The following UGT2B15 variants were observed in gnomAD, a reference collection of about 807,000 sequenced individuals.
UGT2B15 encodes UDP glucuronosyltransferase family 2 member B15.
Under a neutral mutation model 45.9 loss-of-function variants are expected in UGT2B15, and 36 were observed. That is an observed-to-expected ratio of 0.78 (90% CI 0.60 to 1.04). The LOEUF is 1.04. UGT2B15 is among the 50% of genes least tolerant of loss of function. The pLI is 0.00. For missense variants in UGT2B15, 617 were observed against 622.4 expected (o/e 0.99, Z 0.09); for synonymous variants, 219 against 216.4 (o/e 1.01, Z -0.11).
intron 5 of UGT2B15, among the ~76,000 whole-genome samples, chr4:68,651,493 C>T (rs1055029732): frequency 5.9e-5 from 9 of 151,882 alleles, no homozygotes; most frequent in African/African-American, 2.2e-4. Context: ...GGCCTCTGTT[C>T]TGTTCCACTG....
chr4:68,656,558 A>C (rs542306988), intron 3 of UGT2B15, among the ~76,000 whole-genome samples: 1 of 152,250 alleles, frequency 6.6e-6, no homozygotes, highest in East Asian at 1.9e-4. Flanking sequence ...AAAACAAAAC[A>C]AAACCTAAAA....
At chr4:68,669,767 C>T (rs1045858518) in intron 1 of UGT2B15, 128 bp downstream of exon 1, 23 of 1,325,430 alleles carry the variant, frequency 1.7e-5, no homozygotes, top group Non-Finnish European at 2.4e-5. Flanking sequence ...ACTGATAGAT[C>T]ATCTTACATT....
rs1394092894 is a variant in UGT2B15, at chr4:68,652,638, G to C, written c.1313+1399C>G. 2.0e-5 allele frequency among the ~76,000 whole-genome samples: 3 copies of C among 151,172 alleles called. No homozygotes were observed. In the East Asian group the frequency reaches 5.8e-4, roughly 29 times the overall value. On this transcript the variant is annotated intron_variant, in intron 5 of 5. Transcript: ENST00000338206. ...AGCATTTTTCATAGTATTTCCTTTG[G>C]ATTATGGAAAAGTTAAGTATTACAT...
rs199607890 is a variant in UGT2B15 at position 68,669,884 on chromosome 4, A to C, written c.724+11T>G. 2.7e-4 allele frequency: 428 copies of C among 1,596,342 alleles called. No individual in the cohort carries two copies. Among genetic ancestry groups the C allele is most frequent in the Non-Finnish European group, 3.3e-4 (393 of 1,175,238 alleles). ...AGAACTTAATAAGCACCAGTTAGAC[A>C]CATGACTTACCTAGAACTTCACTAT... On this transcript the variant is annotated intron_variant, in intron 1 of 5. Coordinates refer to ENST00000338206, the MANE Select transcript of UGT2B15 (RefSeq NM_001076.4).
Position 68,655,086 on chromosome 4 carries a change from G to T in UGT2B15, c.1093+9C>A. 1 of 1,612,008 alleles carries T rather than the reference G, an allele frequency of 6.2e-7. No individual in the cohort carries two copies. ...TAATATATTCACTGTTTGTTCTCCA[G>T]AATCTTACCAAGAAGGTCATTCTGG... On this transcript the variant is annotated intron_variant, in intron 4 of 5. Coordinates refer to ENST00000338206, the MANE Select transcript of UGT2B15 (RefSeq NM_001076.4).
At chr4:68,666,008 T>C (rs1210679640) in intron 2 of UGT2B15, among the ~76,000 whole-genome samples, 1 of 152,014 alleles carries the variant, frequency 6.6e-6, no homozygotes, top group African/African-American at 2.4e-5. Context: ...GCCGAGATCA[T>C]GCTAGTATCA....
chr4:68,660,339 C>T (rs1451943049), intron 3 of UGT2B15, among the ~76,000 whole-genome samples: 1 of 151,222 alleles, frequency 6.6e-6, no homozygotes, highest in East Asian at 1.9e-4. Context: ...CCCAGGAGCC[C>T]CAAGTTTATT....
At chr4:68,658,328 A>T (rs1732869977) in intron 3 of UGT2B15, among the ~76,000 whole-genome samples, 1 of 152,082 alleles carries the variant, frequency 6.6e-6, no homozygotes, top group Non-Finnish European at 1.5e-5. Context: ...GACTAGTCAA[A>T]TGCTTTTTCA....
At position 68,667,427 on chromosome 4, in the gene UGT2B15, C is replaced by G. The variant is rs143814331; in HGVS notation, c.873+613G>C. ...CTGAGCCCAAGCAATCATGCCTTCT[C>G]TGCCTCCCAAAGTGCAGGGATTATA... On this transcript the variant is annotated intron_variant, in intron 2 of 5. Coordinates refer to ENST00000338206, the MANE Select transcript of UGT2B15 (RefSeq NM_001076.4). 7.1e-3 allele frequency among the ~76,000 whole-genome samples: 1,085 copies of G among 152,040 alleles called. 14 individuals carry two copies. The highest frequency in any genetic ancestry group is 0.025 in the African/African-American group (1,043 of 41,440).
intron 3 of UGT2B15, among the ~76,000 whole-genome samples, chr4:68,659,150 T>G (rs1450624997): frequency 1.3e-5 from 2 of 152,032 alleles, no homozygotes; most frequent in African/African-American, 4.8e-5. Context: ...GTTATTTGGC[T>G]TCATGCTATT....
intron 3 of UGT2B15, among the ~76,000 whole-genome samples, chr4:68,661,332 C>CA (rs907664917): frequency 3.3e-5 from 5 of 151,770 alleles, no homozygotes; most frequent in Admixed American, 2.0e-4. Flanking sequence ...TTCAAGTTGG[C>CA]AAAAATAAAC....
chr4:68,661,764 A>G (rs997060116), intron 3 of UGT2B15, among the ~76,000 whole-genome samples: 7 of 152,160 alleles, frequency 4.6e-5, no homozygotes, highest in African/African-American at 1.4e-4. Context: ...AATTCAGACT[A>G]TTATCAGTAT....
In UGT2B15 at chr4:68,666,748, A is replaced by AT. The variant is rs1455065826; in HGVS notation, c.873+1291dup. Among the ~76,000 whole-genome samples, 214 of 82,480 alleles carry AT rather than the reference A, an allele frequency of 2.6e-3. 1 individual carries two copies. Among genetic ancestry groups the AT allele is most frequent in the Middle Eastern group, 6.4e-3 (1 of 156 alleles). The allele number at this position is 82,480 out of a possible 152,430, so 54.1% of individuals were successfully genotyped here. ...TATCAAATTACATATATATATATAT[A>AT]TATATTTTTTTTTTTTGAGACAGAT... On this transcript the variant is annotated intron_variant, in intron 2 of 5. Coordinates refer to ENST00000338206, the MANE Select transcript of UGT2B15 (RefSeq NM_001076.4).
intron 1 of UGT2B15, among the ~76,000 whole-genome samples, chr4:68,668,437 C>T (rs1328357382): frequency 2.7e-4 from 41 of 152,012 alleles, no homozygotes; most frequent in Non-Finnish European, 5.0e-4. Context: ...GAAATCACAT[C>T]TTTAATGTAA....
chr4:68,670,238 G>A lies in UGT2B15; in HGVS notation c.381C>T (p.Leu127=), dbSNP rs1410405420. 3 of 1,613,824 alleles carry A rather than the reference G, an allele frequency of 1.9e-6. No homozygotes were observed. Among genetic ancestry groups the A allele is most frequent in the Non-Finnish European group, 2.5e-6 (3 of 1,179,964 alleles). Residue 127 remains leucine, a synonymous_variant, in exon 1 of 6, where the codon CTC becomes CTT. Coordinates refer to ENST00000338206, the MANE Select transcript of UGT2B15 (RefSeq NM_001076.4). Reference sequence around the variant, plus strand: ...TCTTATTCAAAACTGCATCTTTACAGAGCTTGTTACTGTAGTCATAATATT... The same window carrying A: ...TCTTATTCAAAACTGCATCTTTACAAAGCTTGTTACTGTAGTCATAATATT... The part of the protein sequence containing the change: ...CWEYYDYSNK[L]CKDAVLNKKL...
rs4148267 is a variant in UGT2B15, at chr4:68,654,961, T to C, written c.1093+134A>G. 7.1e-6 allele frequency: 8 copies of C among 1,127,466 alleles called. No homozygotes were observed. In the East Asian group the frequency reaches 1.8e-4, roughly 25 times the overall value. 69.8% of individuals were successfully genotyped at this position (1,127,466 alleles called of 1,614,324 possible). A position where few individuals can be genotyped will look rare whatever the true frequency, so the allele number is the denominator to read the frequency against. On this transcript the variant is annotated intron_variant, in intron 4 of 5. Coordinates refer to ENST00000338206, the MANE Select transcript of UGT2B15 (RefSeq NM_001076.4). ...TTTTATACTAAGACTGGAAAATAAATATAAAGTAGTTAAATTTGATTTGTT... is the reference window on the plus strand; with the variant it reads ...TTTTATACTAAGACTGGAAAATAAACATAAAGTAGTTAAATTTGATTTGTT...
chr4:68,662,210 T>G (rs5017549), intron 3 of UGT2B15, among the ~76,000 whole-genome samples: 2 of 152,058 alleles, frequency 1.3e-5, no homozygotes, highest in Non-Finnish European at 1.5e-5. Context: ...TTTATTTATA[T>G]TTTCTGCTCC....
In UGT2B15 at chr4:68,654,109, A is replaced by T; in HGVS notation, c.1241T>A (p.Leu414His). Residue 414 changes from leucine (L) to histidine (H), a missense_variant, in exon 5 of 6, where the codon CTC (leucine) becomes CAC (histidine). Leu to His is a moderately conservative substitution (Grantham distance 99, BLOSUM62 -3). This residue lies in a region of UGT2B15 where 265 missense variants were observed against 245.1 expected (regional missense o/e 1.08). Transcript: ENST00000338206. ...TGACATGGTCCTGATGTCCACACTG[A>T]GGGCTGCTCCCTTGGCTTTCATGTG... ...IAHMKAKGAA[L>H]SVDIRTMSSR... 2 of 1,613,670 alleles carry T rather than the reference A, an allele frequency of 1.2e-6. No homozygotes were observed. The highest frequency in any genetic ancestry group is 1.7e-6 in the Non-Finnish European group (2 of 1,179,702).
In UGT2B15 at chr4:68,658,194, ATGTG is replaced by A. The variant is rs907110183; in HGVS notation, c.1006-3016_1006-3013del. 9.0e-4 allele frequency among the ~76,000 whole-genome samples: 137 copies of A among 152,126 alleles called. 1 individual carries two copies. Among genetic ancestry groups the A allele is most frequent in the African/African-American group, 3.2e-3 (132 of 41,516 alleles). ...AGATGTACTTCTATTGGCATGCTTA[ATGTG>A]TGTATGTATTTATGTGTTTTGTACA... is the stretch of plus-strand genomic sequence containing the variant. On this transcript the variant is annotated intron_variant, in intron 3 of 5. Coordinates refer to ENST00000338206, the MANE Select transcript of UGT2B15 (RefSeq NM_001076.4).
Sources: allele counts gnomAD v4.1 joint callset (sites outside exome capture counted in the v4.1 genomes callset), GRCh38; gene constraint gnomAD v4.1.1; regional missense constraint gnomAD v4.1.1; transcripts MANE v1.5; gene names NCBI Gene and HGNC (gene_info 2026-07-23, HGNC 2026-07-21).